TLK2: variants seen among roughly 807,000 people sequenced by gnomAD.
TLK2 encodes the protein serine/threonine-protein kinase tousled-like 2.
Under a neutral mutation model 117.3 loss-of-function variants are expected in TLK2, and 6 were observed. The ratio of observed to expected loss-of-function variants is 0.05; its 90% CI spans 0.03 to 0.10. The LOEUF (loss-of-function observed/expected upper bound fraction) is 0.10. Ranked by LOEUF, TLK2 falls within the 10% of genes least tolerant of loss-of-function variation. The pLI is 1.00. For missense variants in TLK2, 299 were observed against 901.2 expected (o/e 0.33, Z 8.56); for synonymous variants, 257 against 316.7 (o/e 0.81, Z 2.00).
At chr17:62,479,541 C>T (rs931694729) in intron 1 of TLK2, among the ~76,000 whole-genome samples, 9 of 152,036 alleles carry the variant, frequency 5.9e-5, no homozygotes, top group Admixed American at 2.6e-4. Flanking sequence ...GAGACGGGGG[C>T]CCCCAGGCAG....
At chr17:62,588,682 A>G (rs1598786121) in intron 16 of TLK2, among the ~76,000 whole-genome samples, 1 of 152,054 alleles carries the variant, frequency 6.6e-6, no homozygotes, top group Non-Finnish European at 1.5e-5. Context: ...TTTTCCAATC[A>G]GGAAGCAGCA....
chr17:62,586,985 T>C (rs193066191), intron 16 of TLK2, among the ~76,000 whole-genome samples: 6 of 152,260 alleles, frequency 3.9e-5, no homozygotes, highest in Admixed American at 3.9e-4. Flanking sequence ...CTCTGTGCTA[T>C]GTTCTCCTCC....
intron 2 of TLK2, among the ~76,000 whole-genome samples, chr17:62,499,978 C>T (rs2074053550): frequency 6.6e-6 from 1 of 151,976 alleles, no homozygotes; most frequent in Non-Finnish European, 1.5e-5. Flanking sequence ...TCTTACAGAA[C>T]TTTTTAGAGT....
At chr17:62,508,043 G>A (rs1043286287) in intron 2 of TLK2, among the ~76,000 whole-genome samples, 2 of 151,756 alleles carry the variant, frequency 1.3e-5, no homozygotes, top group African/African-American at 2.4e-5. Context: ...TGTTGTCATA[G>A]ACAATATAAC....
chr17:62,584,157 C>T (rs2081431720), intron 15 of TLK2, among the ~76,000 whole-genome samples: 2 of 132,396 alleles, frequency 1.5e-5, no homozygotes, highest in South Asian at 4.9e-4. Flanking sequence ...CTCTGTCGCC[C>T]AGGCTGGAGA....
At chr17:62,478,756 C>A (rs1051845501), upstream of TLK2, among the ~76,000 whole-genome samples, 22 of 16,442 alleles carry the variant, frequency 1.3e-3, no homozygotes, top group African/African-American at 1.5e-3. Flanking sequence ...CCCCAGGACC[C>A]CCCCCGCCTC....
chr17:62,546,850 G>A (rs1323520866), intron 7 of TLK2, among the ~76,000 whole-genome samples: 2 of 151,904 alleles, frequency 1.3e-5, no homozygotes, highest in Non-Finnish European at 2.9e-5. Context: ...ATGAGACACC[G>A]CACCCGGCCT....
intron 17 of TLK2, among the ~76,000 whole-genome samples, chr17:62,598,724 C>T (rs1252582011): frequency 6.6e-6 from 1 of 151,720 alleles, no homozygotes; most frequent in Non-Finnish European, 1.5e-5. Context: ...AGGGTTTCAC[C>T]GTGCTGGGCA....
At chr17:62,546,341 A>ATTTTT (rs1385208928) in intron 7 of TLK2, among the ~76,000 whole-genome samples, 2 of 8,866 alleles carry the variant, frequency 2.3e-4, no homozygotes, top group Non-Finnish European at 8.2e-4. Flanking sequence ...GAGTTTGTTG[A>ATTTTT]TTGTTTTTTT....
At chr17:62,471,048 T>C (rs1241498273) in exon 1 of TLK2, 1 of 152,294 alleles carries the variant, frequency 6.6e-6, no homozygotes, top group African/African-American at 2.4e-5. Flanking sequence ...ACACAGATGG[T>C]CTCATTTGGC....
intron 16 of TLK2, among the ~76,000 whole-genome samples, chr17:62,592,397 T>C (rs1457419982): frequency 1.3e-5 from 2 of 152,244 alleles, no homozygotes; most frequent in Non-Finnish European, 2.9e-5. Flanking sequence ...GAAAAGTACC[T>C]TAAAAATGCT....
intron 1 of TLK2, among the ~76,000 whole-genome samples, chr17:62,471,917 T>TAAAAAAAAAAAAAAAAAAAAAAAAA (rs2070949384): frequency 7.1e-6 from 1 of 140,796 alleles, no homozygotes; most frequent in Non-Finnish European, 1.5e-5. Flanking sequence ...TTTTTTTTTT[T>TAAAAAAAAAAAAAAAAAAAAAAAAA]AGACAGAGTC....
At chr17:62,533,917 C>A (rs1159665587) in intron 6 of TLK2, among the ~76,000 whole-genome samples, 1 of 151,768 alleles carries the variant, frequency 6.6e-6, no homozygotes, top group Admixed American at 6.6e-5. Flanking sequence ...TTTCTAATAT[C>A]TGCACAAACG....
At chr17:62,560,220 T>G in intron 10 of TLK2, 94 bp downstream of exon 10, 1 of 909,968 alleles carries the variant, frequency 1.1e-6, no homozygotes, top group Non-Finnish European at 1.6e-6. Flanking sequence ...ATGAAAATAT[T>G]TAAAAGTAGA....
rs552173682 is a variant in TLK2, at chr17:62,522,331, T to C, written c.223+58T>C. The C allele has an allele frequency of 2.3e-4, 356 of 1,533,176 alleles. No individual in the cohort carries two copies. The African/African-American group carries it at 4.5e-3, about 20-fold the overall frequency. The allele number at this position is 1,533,176 out of a possible 1,614,324, so 95.0% of individuals were successfully genotyped here. ...AATTCTAATGTACTTAGATAGAATT[T>C]TCTAACTCATACTAAATAATTAGTT... On this transcript the variant is annotated intron_variant, in intron 4 of 21. Transcript: ENST00000346027.
chr17:62,562,095 C>A (rs2079329751), intron 10 of TLK2, among the ~76,000 whole-genome samples: 1 of 152,158 alleles, frequency 6.6e-6, no homozygotes, highest in Admixed American at 6.5e-5. Context: ...TGTGGTGGCT[C>A]ACGCCTGTAA....
intron 9 of TLK2, among the ~76,000 whole-genome samples, chr17:62,558,738 A>G (rs2079041629): frequency 6.6e-6 from 1 of 152,178 alleles, no homozygotes; most frequent in African/African-American, 2.4e-5. Flanking sequence ...CTGTACAAAA[A>G]CTAACAGGAA....
At chr17:62,539,361 G>T (rs979313161) in intron 7 of TLK2, among the ~76,000 whole-genome samples, 15 of 151,956 alleles carry the variant, frequency 9.9e-5, no homozygotes, top group African/African-American at 3.6e-4. Flanking sequence ...TCTTTCACTC[G>T]GCTTCCACTC....
intron 14 of TLK2, among the ~76,000 whole-genome samples, chr17:62,579,016 A>G (rs995000387): frequency 2.0e-5 from 3 of 152,052 alleles, no homozygotes; most frequent in Non-Finnish European, 4.4e-5. Flanking sequence ...TTTAAGTAAG[A>G]CTCTTAAGTT....
Sources: allele counts gnomAD v4.1 joint callset (sites outside exome capture counted in the v4.1 genomes callset), GRCh38; gene constraint gnomAD v4.1.1; transcripts MANE v1.5; gene names NCBI Gene and HGNC (gene_info 2026-07-23, HGNC 2026-07-21).